DLGAP2: variants seen among roughly 807,000 people sequenced by gnomAD.
DLGAP2 encodes disks large-associated protein 2.
DLGAP2 carries 26 observed loss-of-function variants against 100.3 expected under a neutral mutation model. The observed-to-expected ratio is 0.26, with a 90% CI of 0.19 to 0.36. The LOEUF is 0.36. DLGAP2 is among the 10% of genes least tolerant of loss of function. The pLI, the probability that DLGAP2 is intolerant of heterozygous loss-of-function variation, is 1.00. For missense variants in DLGAP2, 1,858 were observed against 1,453.2 expected, an observed-to-expected ratio of 1.28 and a Z score of -4.53; for synonymous variants, 886 against 630.1, an observed-to-expected ratio of 1.41 and a Z score of -6.08.
intron 2 of DLGAP2, among the ~76,000 whole-genome samples, chr8:1,242,954 G>A (rs1014754598): frequency 6.6e-6 from 1 of 152,140 alleles, no homozygotes; most frequent in Non-Finnish European, 1.5e-5. Flanking sequence ...TGGATGGATG[G>A]ACAGAACTTT....
intron 3 of DLGAP2, among the ~76,000 whole-genome samples, chr8:1,269,185 C>T (rs1261134445): frequency 6.6e-6 from 1 of 152,242 alleles, no homozygotes; most frequent in Non-Finnish European, 1.5e-5. Flanking sequence ...GCTTCCTTCC[C>T]TGCCCTTCTC....
chr8:875,155 C>G (rs1000336577), intron 1 of DLGAP2, among the ~76,000 whole-genome samples: 1 of 152,150 alleles, frequency 6.6e-6, no homozygotes, highest in South Asian at 2.1e-4. Flanking sequence ...AAGTGTATCT[C>G]CACTAGGCAG....
chr8:1,266,677 G>A (rs1240575137), intron 3 of DLGAP2, among the ~76,000 whole-genome samples: 4 of 152,116 alleles, frequency 2.6e-5, no homozygotes, highest in Non-Finnish European at 4.4e-5. Context: ...GGGTGCACCC[G>A]GGACGTTGAA....
intron 1 of DLGAP2, among the ~76,000 whole-genome samples, chr8:785,183 T>G: frequency 7.8e-6 from 1 of 128,482 alleles, no homozygotes; most frequent in South Asian, 2.6e-4. Flanking sequence ...TGCCACTGCA[T>G]TTTGGCCTGG....
At chr8:838,480 T>C (rs1310629930) in intron 1 of DLGAP2, among the ~76,000 whole-genome samples, 1 of 152,102 alleles carries the variant, frequency 6.6e-6, no homozygotes, top group Admixed American at 6.5e-5. Context: ...GAACCACTAC[T>C]GTACATTGAT....
At chr8:759,653 C>G (rs766149909) in intron 1 of DLGAP2, among the ~76,000 whole-genome samples, 1 of 152,156 alleles carries the variant, frequency 6.6e-6, no homozygotes, top group South Asian at 2.1e-4. Flanking sequence ...GTCCAGCACT[C>G]CGGTGTCCCC....
intron 2 of DLGAP2, among the ~76,000 whole-genome samples, chr8:1,199,192 G>C (rs1476624723): frequency 6.6e-6 from 1 of 152,212 alleles, no homozygotes; most frequent in African/African-American, 2.4e-5. Flanking sequence ...TTGATGAATA[G>C]TGTAGAAATG....
intron 3 of DLGAP2, among the ~76,000 whole-genome samples, chr8:1,290,137 T>C (rs1251068181): frequency 6.6e-6 from 1 of 152,198 alleles, no homozygotes; most frequent in Non-Finnish European, 1.5e-5. Context: ...GCTCTGACTC[T>C]ATTACATAAC....
intron 3 of DLGAP2, among the ~76,000 whole-genome samples, chr8:1,468,160 C>G (rs1003735331): frequency 6.6e-6 from 1 of 152,110 alleles, no homozygotes; most frequent in Non-Finnish European, 1.5e-5. Flanking sequence ...CCAGCAGCCT[C>G]GGTCCCTTCT....
intron 2 of DLGAP2, among the ~76,000 whole-genome samples, chr8:1,230,243 A>C (rs1169254682): frequency 1.3e-5 from 2 of 152,238 alleles, no homozygotes; most frequent in Non-Finnish European, 2.9e-5. Flanking sequence ...GAGCCAAATC[A>C]AGAACGCTAT....
At chr8:1,411,833 G>A (rs1796739160) in intron 3 of DLGAP2, among the ~76,000 whole-genome samples, 1 of 152,198 alleles carries the variant, frequency 6.6e-6, no homozygotes, top group South Asian at 2.1e-4. Flanking sequence ...TCCCTAATCA[G>A]CTCTGCCCTC....
rs530278842 is a variant in DLGAP2, at chr8:1,058,505, G to A, written c.73+150539G>A. Among the ~76,000 whole-genome samples the A allele has an allele frequency of 2.0e-5, 3 of 152,288 alleles. No homozygotes were observed. In the East Asian group the frequency reaches 5.8e-4, roughly 29 times the overall value. On this transcript the variant is annotated intron_variant, in intron 2 of 14. Coordinates refer to ENST00000637795, the MANE Select transcript of DLGAP2 (RefSeq NM_001346810.2). ...ATGCACCCATTCTCAGGTCAGCCTC[G>A]AGGGGCCATGCAACAACGTAGCTGG...
rs1431702159 is a variant in DLGAP2, at chr8:1,676,730, AAC to A, written c.2288+114_2288+115del. The A allele has an allele frequency of 4.8e-6, 5 of 1,034,424 alleles. No individual in the cohort carries two copies. In the African/African-American group the frequency reaches 8.0e-5, roughly 17 times the overall value. The allele number at this position is 1,034,424 out of a possible 1,614,324, so 64.1% of individuals were successfully genotyped here. On this transcript the variant is annotated intron_variant, in intron 11 of 14. Coordinates refer to ENST00000637795, the MANE Select transcript of DLGAP2 (RefSeq NM_001346810.2). ...CCTCAATCATGCCTGTCCTTGTGGAAACAGGGCCATACGTTTATACTTTTCCA... is the reference window on the plus strand; with the variant it reads ...CCTCAATCATGCCTGTCCTTGTGGAAAGGGCCATACGTTTATACTTTTCCA...
rs375612222 is a variant in DLGAP2 at position 1,668,473 on chromosome 8, C to T, written c.1955C>T (p.Pro652Leu). 1.1e-5 allele frequency: 18 copies of T among 1,594,494 alleles called. No individual in the cohort carries two copies. In the Admixed American group the frequency reaches 1.9e-4, roughly 17 times the overall value. ...YQDSRAQRMS[P>L]WPQDSRGLYN... Reference sequence around the variant, plus strand: ...GACAGCCGCGCACAGAGGATGTCCCCGTGGCCCCAGGACAGCCGCGGCCTC... The same window carrying T: ...GACAGCCGCGCACAGAGGATGTCCCTGTGGCCCCAGGACAGCCGCGGCCTC... Residue 652 changes from proline (P) to leucine (L), a missense_variant, in exon 9 of 15, where the codon CCG becomes CTG. Coordinates refer to ENST00000637795, the MANE Select transcript of DLGAP2 (RefSeq NM_001346810.2).
chr8:1,486,072 G>C (rs192064931), intron 3 of DLGAP2, among the ~76,000 whole-genome samples: 1 of 152,248 alleles, frequency 6.6e-6, no homozygotes, highest in East Asian at 1.9e-4. Flanking sequence ...CATCAGCATG[G>C]TCTTCAAGAT....
chr8:768,441 T>TC (rs1554558684), intron 1 of DLGAP2, among the ~76,000 whole-genome samples: 8,897 of 143,380 alleles, frequency 0.062, 519 homozygotes, highest in East Asian at 0.32. Flanking sequence ...TTTTTTTTTT[T>TC]CTGACATGAA....
At chr8:1,343,867 G>A (rs1223515167) in intron 3 of DLGAP2, among the ~76,000 whole-genome samples, 1 of 152,102 alleles carries the variant, frequency 6.6e-6, no homozygotes, top group Non-Finnish European at 1.5e-5. Flanking sequence ...CAGGGAGTAG[G>A]GGGAGCTCAG....
intron 3 of DLGAP2, among the ~76,000 whole-genome samples, chr8:1,365,048 T>G (rs577095632): frequency 6.6e-6 from 1 of 152,200 alleles, no homozygotes; most frequent in Non-Finnish European, 1.5e-5. Flanking sequence ...GCAGAAGATT[T>G]ACGACTGAGA....
chr8:1,420,415 C>T (rs182167998), intron 3 of DLGAP2, among the ~76,000 whole-genome samples: 11 of 152,308 alleles, frequency 7.2e-5, no homozygotes, highest in Admixed American at 6.5e-4. Flanking sequence ...CTGCGATTCT[C>T]TCTTCCACTC....
Sources: allele counts gnomAD v4.1 joint callset (sites outside exome capture counted in the v4.1 genomes callset), GRCh38; gene constraint gnomAD v4.1.1; transcripts MANE v1.5; gene names NCBI Gene and HGNC (gene_info 2026-07-23, HGNC 2026-07-21).